The following CDH2 variants were observed in gnomAD, a reference collection of about 807,000 sequenced individuals.
CDH2 encodes the protein cadherin 2.
Under a neutral mutation model 92.0 loss-of-function variants are expected in CDH2, and 17 were observed. The observed-to-expected ratio is 0.18, with a 90% CI of 0.13 to 0.28. The LOEUF (loss-of-function observed/expected upper bound fraction) is 0.28, where lower values mean the gene tolerates loss of function less well. Among genes scored for constraint, CDH2 ranks in the 10% least tolerant of loss-of-function variants. The pLI is 1.00. For missense variants in CDH2, 862 were observed against 1,133.1 expected (o/e 0.76, Z 3.44); for synonymous variants, 419 against 415.9 (o/e 1.01, Z -0.09).
At chr18:28,016,635 C>T (rs2013255591) in intron 2 of CDH2, among the ~76,000 whole-genome samples, 1 of 152,156 alleles carries the variant, frequency 6.6e-6, no homozygotes, top group Non-Finnish European at 1.5e-5. Context: ...AGGATGAAAA[C>T]TTCAAGTCAT....
At position 28,147,770 on chromosome 18, in the gene CDH2, A is replaced by G. The variant is rs1468028063; in HGVS notation, c.75T>C (p.Ala25=). ...TCTTGCATAATGCGATTTCACCAGA[A>G]GCCTCTACAGACGCCTGCAACACAA... ...LAALLQASVE[A]SGEIALCKTG... is the part of the protein sequence containing the mutation. Residue 25 remains alanine (A), a synonymous_variant, in exon 2 of 16, where the codon GCT becomes GCC. Transcript: ENST00000269141. The G allele has an allele frequency of 1.9e-6, 3 of 1,606,586 alleles. No homozygotes were observed. The Admixed American group carries it at 5.0e-5, about 27-fold the overall frequency.
chr18:28,030,588 G>A (rs1245326203), intron 2 of CDH2, among the ~76,000 whole-genome samples: 1 of 152,020 alleles, frequency 6.6e-6, no homozygotes, highest in African/African-American at 2.4e-5. Context: ...TGCCTGGATA[G>A]GGAACAAGTG....
intron 2 of CDH2, among the ~76,000 whole-genome samples, chr18:28,093,735 A>G (rs1185004125): frequency 6.6e-6 from 1 of 152,236 alleles, no homozygotes; most frequent in East Asian, 1.9e-4. Flanking sequence ...TCTTTTATAC[A>G]TTATACTGAA....
At chr18:28,162,018 A>T (rs548425844) in intron 1 of CDH2, among the ~76,000 whole-genome samples, 1 of 152,210 alleles carries the variant, frequency 6.6e-6, no homozygotes, top group East Asian at 1.9e-4. Flanking sequence ...TGAAAGATTA[A>T]AGCCACATTC....
At chr18:27,933,093 C>T (rs1899644) in exon 7 of CDH2, among the ~76,000 whole-genome samples, 1,711 of 151,994 alleles carry the variant, frequency 0.011, 34 homozygotes, top group African/African-American at 0.039. Context: ...AAGCCAAGGT[C>T]ATAGGTGTAA....
chr18:28,013,763 G>C lies in CDH2; in HGVS notation c.319C>G (p.Gln107Glu), dbSNP rs756870194. Residue 107 changes from glutamine (Q) to glutamate (E), a missense_variant, in exon 3 of 16, where the codon CAA (glutamine) becomes GAA (glutamate). Around this residue, in one of 5 missense-constraint regions of CDH2, gnomAD observed 159 missense variants for 177.2 expected, o/e 0.90. Transcript: ENST00000269141. The stretch of plus-strand genomic sequence containing the variant: ...CACTTTTCCTGGGTCTCTTTGTCTT[G>C]GGCATATATCAGGAACTTGGCATGC... ...SEHAKFLIYA[Q>E]DKETQEKWQV... The C allele has an allele frequency of 1.9e-6, 3 of 1,613,808 alleles. No individual in the cohort carries two copies. The highest frequency in any genetic ancestry group is 2.5e-6 in the Non-Finnish European group (3 of 1,179,946).
Position 28,147,701 on chromosome 18 carries a change from A to T in CDH2, c.144T>A (p.Asp48Glu). The T allele has an allele frequency of 3.1e-6, 5 of 1,610,876 alleles. No individual in the cohort carries two copies. The highest frequency in any genetic ancestry group is 4.2e-6 in the Non-Finnish European group (5 of 1,177,488). ...TGAGAAGAGGCTGTCCTTCATGCAC[A>T]TCCTTCGATAAGACTGCACTGTAAA... ...EDVYSAVLSK[D>E]VHEGQPLLNV... The change falls in exon 2 of 16, where the codon GAT becomes GAA. Residue 48 changes from aspartate (D) to glutamate (E), a missense_variant. Physicochemically the swap from Asp to Glu is conservative, Grantham distance 45. Transcript: ENST00000269141.
At chr18:28,121,030 G>A (rs2015578995) in intron 2 of CDH2, among the ~76,000 whole-genome samples, 1 of 152,016 alleles carries the variant, frequency 6.6e-6, no homozygotes, top group Non-Finnish European at 1.5e-5. Flanking sequence ...AGAAATCCAT[G>A]GAAACCACAG....
chr18:28,019,275 C>G (rs750489183), intron 2 of CDH2, among the ~76,000 whole-genome samples: 1 of 151,010 alleles, frequency 6.6e-6, no homozygotes, highest in African/African-American at 2.4e-5. Flanking sequence ...ACCACCTGTT[C>G]CCCCAAAAAC....
chr18:27,941,192 C>T (rs1034626323), intron 6 of CDH2, among the ~76,000 whole-genome samples: 114 of 151,940 alleles, frequency 7.5e-4, no homozygotes, highest in African/African-American at 2.6e-3. Context: ...CCCGCCACCA[C>T]GCCCAGCTAA....
intron 2 of CDH2, among the ~76,000 whole-genome samples, chr18:28,049,192 T>TA (rs951687277): frequency 2.0e-5 from 3 of 152,030 alleles, no homozygotes; most frequent in Admixed American, 1.3e-4. Context: ...AGAAAAAGTT[T>TA]AAAAAAATAA....
At chr18:28,170,085 G>A (rs542181961) in intron 1 of CDH2, among the ~76,000 whole-genome samples, 16 of 152,328 alleles carry the variant, frequency 1.1e-4, no homozygotes, top group African/African-American at 3.1e-4. Flanking sequence ...ATTCCATGAT[G>A]TCAGCATGGA....
At chr18:28,033,875 A>T (rs2013759708) in intron 2 of CDH2, among the ~76,000 whole-genome samples, 1 of 152,084 alleles carries the variant, frequency 6.6e-6, no homozygotes, top group Non-Finnish European at 1.5e-5. Flanking sequence ...AATTATTAAT[A>T]AATGCTAAAA....
intron 15 of CDH2, chr18:27,954,410 A>T (rs372873475): frequency 6.6e-6 from 1 of 152,334 alleles, no homozygotes; most frequent in East Asian, 1.9e-4. Context: ...TGGCTGTCTG[A>T]CTGGCTTTGG....
At chr18:28,023,901 T>C (rs1229654662) in intron 2 of CDH2, among the ~76,000 whole-genome samples, 3 of 152,178 alleles carry the variant, frequency 2.0e-5, no homozygotes, top group African/African-American at 7.2e-5. Flanking sequence ...TTCTTCTGCT[T>C]CATTTGTTTC....
intron 2 of CDH2, among the ~76,000 whole-genome samples, chr18:28,024,103 C>G (rs947121689): frequency 2.6e-5 from 4 of 152,108 alleles, no homozygotes; most frequent in South Asian, 2.1e-4. Context: ...AAACTACTTA[C>G]GTCTAAGATG....
intron 2 of CDH2, among the ~76,000 whole-genome samples, chr18:28,139,790 A>T (rs1206969967): frequency 2.0e-5 from 3 of 151,970 alleles, no homozygotes; most frequent in Middle Eastern, 3.4e-3. Flanking sequence ...TTTCTTTCTT[A>T]GGCTTCTCGT....
chr18:27,970,893 C>T (rs533052704), intron 14 of CDH2, among the ~76,000 whole-genome samples: 1 of 152,266 alleles, frequency 6.6e-6, no homozygotes, highest in South Asian at 2.1e-4. Flanking sequence ...TGGTGCATGG[C>T]CATGCTCCAG....
At chr18:28,021,891 A>G (rs2013419799) in intron 2 of CDH2, among the ~76,000 whole-genome samples, 1 of 151,948 alleles carries the variant, frequency 6.6e-6, no homozygotes, top group South Asian at 2.1e-4. Context: ...TTTCCATACT[A>G]ATTGCTATTT....
Sources: allele counts gnomAD v4.1 joint callset (sites outside exome capture counted in the v4.1 genomes callset), GRCh38; gene constraint gnomAD v4.1.1; regional missense constraint gnomAD v4.1.1; transcripts MANE v1.5; gene names NCBI Gene and HGNC (gene_info 2026-07-23, HGNC 2026-07-21).